Variants in NAALADL2 observed in about 807,000 individuals in gnomAD.
NAALADL2 encodes the protein N-acetylated alpha-linked acidic dipeptidase like 2.
NAALADL2 carries 76 observed loss-of-function variants against 87.2 expected under a neutral mutation model. That is an observed-to-expected ratio of 0.87 (90% CI 0.72 to 1.05). The LOEUF is 1.05. NAALADL2 is among the 50% of genes least tolerant of loss of function. The pLI is 0.00. For synonymous variants in NAALADL2, 354 were observed against 331.0 expected, an observed-to-expected ratio of 1.07 and a Z score of -0.75; for missense variants, 1,089 against 945.8, an observed-to-expected ratio of 1.15 and a Z score of -1.99.
chr3:175,300,028 G>T (rs79789214), intron 4 of NAALADL2, among the ~76,000 whole-genome samples: 1 of 152,132 alleles, frequency 6.6e-6, no homozygotes, highest in Non-Finnish European at 1.5e-5. Flanking sequence ...GGCCTTTTCT[G>T]CATCTTTTGA....
chr3:174,716,968 A>G (rs1731251981), intron 2 of NAALADL2, among the ~76,000 whole-genome samples: 1 of 152,170 alleles, frequency 6.6e-6, no homozygotes, highest in Non-Finnish European at 1.5e-5. Flanking sequence ...CAAGTAAAGA[A>G]AATAAGTGTA....
chr3:175,244,126 G>T (rs552675217), intron 3 of NAALADL2, among the ~76,000 whole-genome samples: 25 of 152,166 alleles, frequency 1.6e-4, no homozygotes, highest in African/African-American at 5.8e-4. Flanking sequence ...CCCTTATCTC[G>T]GGAGCAATCA....
chr3:175,709,191 T>C (rs956436249), intron 11 of NAALADL2, among the ~76,000 whole-genome samples: 2 of 152,070 alleles, frequency 1.3e-5, no homozygotes, highest in African/African-American at 2.4e-5. Flanking sequence ...CAGAATTATA[T>C]TGCACTCATC....
chr3:174,671,717 A>T (rs1463475962), intron 2 of NAALADL2, among the ~76,000 whole-genome samples: 1 of 152,076 alleles, frequency 6.6e-6, no homozygotes, highest in African/African-American at 2.4e-5. Flanking sequence ...TACACTTGTC[A>T]GAGGTTCCTA....
At chr3:175,463,238 A>T (rs1723424059) in intron 6 of NAALADL2, among the ~76,000 whole-genome samples, 163 bp from the exon 7 acceptor site, 1 of 152,198 alleles carries the variant, frequency 6.6e-6, no homozygotes, top group Admixed American at 6.5e-5. Context: ...ATCTGTACAA[A>T]GTATTGAATA....
intron 13 of NAALADL2, among the ~76,000 whole-genome samples, chr3:175,781,655 C>CAA (rs777223385): frequency 0.053 from 5,199 of 97,516 alleles, 259 homozygotes; most frequent in African/African-American, 0.15. Context: ...TCATTTTTAG[C>CAA]AAAAAAAAAA....
At chr3:174,932,043 A>G (rs1184354939) in intron 1 of NAALADL2, among the ~76,000 whole-genome samples, 2 of 152,202 alleles carry the variant, frequency 1.3e-5, no homozygotes, top group Non-Finnish European at 2.9e-5. Context: ...TGAGATTTTT[A>G]AAATGTTCAC....
intron 2 of NAALADL2, among the ~76,000 whole-genome samples, chr3:174,619,123 A>G (rs1252778910): frequency 6.6e-6 from 1 of 151,924 alleles, no homozygotes; most frequent in South Asian, 2.1e-4. Flanking sequence ...AATTAGATTT[A>G]TGTCAGTTTT....
At chr3:175,442,864 G>T (rs1262462900) in intron 5 of NAALADL2, among the ~76,000 whole-genome samples, 3 of 152,180 alleles carry the variant, frequency 2.0e-5, no homozygotes. Context: ...GTGCTAAAAT[G>T]TAGTGTCGCA....
At chr3:174,872,021 T>G (rs1054501981) in intron 1 of NAALADL2, among the ~76,000 whole-genome samples, 1 of 152,202 alleles carries the variant, frequency 6.6e-6, no homozygotes, top group Non-Finnish European at 1.5e-5. Flanking sequence ...AGGAAATCTT[T>G]TTTGAAATTA....
intron 3 of NAALADL2, among the ~76,000 whole-genome samples, chr3:175,253,992 C>T (rs913225463): frequency 6.6e-5 from 10 of 152,126 alleles, no homozygotes; most frequent in South Asian, 2.1e-4. Flanking sequence ...TTCCAATTCC[C>T]GGGAACATTG....
chr3:174,617,322 C>G (rs1025849758), intron 2 of NAALADL2, among the ~76,000 whole-genome samples: 1 of 151,454 alleles, frequency 6.6e-6, no homozygotes, highest in African/African-American at 2.4e-5. Flanking sequence ...TACTTGTGTC[C>G]TTTAAAAGAA....
chr3:175,724,417 G>C (rs776863287), intron 11 of NAALADL2, among the ~76,000 whole-genome samples: 1 of 152,082 alleles, frequency 6.6e-6, no homozygotes, highest in Non-Finnish European at 1.5e-5. Context: ...CTGAACAATA[G>C]CATCTAGTTC....
intron 11 of NAALADL2, among the ~76,000 whole-genome samples, chr3:175,666,297 T>A (rs1582825294): frequency 1.3e-5 from 2 of 152,118 alleles, no homozygotes; most frequent in African/African-American, 2.4e-5. Context: ...AGAAAGGAGG[T>A]AGAACTGAGA....
intron 13 of NAALADL2, among the ~76,000 whole-genome samples, chr3:175,765,007 CCCA>C (rs1402433055): frequency 6.6e-6 from 1 of 152,032 alleles, no homozygotes; most frequent in African/African-American, 2.4e-5. Flanking sequence ...GAACTAAAAT[CCCA>C]CCATTGTTTT....
intron 11 of NAALADL2, among the ~76,000 whole-genome samples, chr3:175,664,738 ACT>A (rs1044272055): frequency 2.6e-5 from 4 of 152,124 alleles, no homozygotes; most frequent in African/African-American, 9.7e-5. Context: ...TCAGGTAAAA[ACT>A]CTAAATTATT....
chr3:174,936,335 T>A (rs1737679135), intron 1 of NAALADL2, among the ~76,000 whole-genome samples: 1 of 152,048 alleles, frequency 6.6e-6, no homozygotes, highest in Non-Finnish European at 1.5e-5. Flanking sequence ...GAAGAATTAT[T>A]TCTTATATAA....
chr3:175,406,660 G>A (rs1307787076), intron 5 of NAALADL2, among the ~76,000 whole-genome samples: 1 of 152,016 alleles, frequency 6.6e-6, no homozygotes, highest in Non-Finnish European at 1.5e-5. Flanking sequence ...TTACATAAAT[G>A]GTGGGACTGT....
intron 9 of NAALADL2, among the ~76,000 whole-genome samples, chr3:175,482,132 C>G (rs1248023290): frequency 6.6e-6 from 1 of 151,832 alleles, no homozygotes; most frequent in Non-Finnish European, 1.5e-5. Flanking sequence ...ATATACTTAT[C>G]TAAGGGATAC....
Sources: gnomAD v4.1 joint callset for allele counts (sites outside exome capture counted in the v4.1 genomes callset) on GRCh38, gnomAD v4.1.1 for gene constraint, MANE v1.5 for transcripts, NCBI Gene and HGNC (gene_info 2026-07-23, HGNC 2026-07-21) for gene names.